CFDP1: variants seen among roughly 807,000 people sequenced by gnomAD.
CFDP1 encodes chromatin remodeling protein CFDP1.
A neutral mutation model predicts 40.1 loss-of-function variants in CFDP1; 31 were observed. The ratio of observed to expected loss-of-function variants is 0.77; its 90% CI spans 0.58 to 1.04. The LOEUF (loss-of-function observed/expected upper bound fraction) is 1.04, where lower values mean the gene tolerates loss of function less well. Among genes scored for constraint, CFDP1 ranks in the 50% least tolerant of loss-of-function variants. The pLI, the probability that CFDP1 is intolerant of heterozygous loss-of-function variation, is 0.00. For missense variants in CFDP1, 423 were observed against 343.4 expected (o/e 1.23, Z -1.83); for synonymous variants, 167 against 120.0 (o/e 1.39, Z -2.56).
intron 1 of CFDP1, among the ~76,000 whole-genome samples, chr16:75,422,422 CAG>C (rs1169939324): frequency 8.2e-6 from 1 of 122,534 alleles, no homozygotes; most frequent in African/African-American, 3.4e-5. Context: ...TTTTTTGAGA[CAG>C]AGTCTCGCTC....
At chr16:75,323,423 T>C (rs1597330909) in intron 5 of CFDP1, among the ~76,000 whole-genome samples, 1 of 151,154 alleles carries the variant, frequency 6.6e-6, no homozygotes, top group African/African-American at 2.4e-5. Flanking sequence ...CCTGAGGCTG[T>C]TTTACTTAAC....
chr16:75,311,557 A>G (rs1275428730), intron 5 of CFDP1, among the ~76,000 whole-genome samples: 1 of 152,202 alleles, frequency 6.6e-6, no homozygotes, highest in Non-Finnish European at 1.5e-5. Flanking sequence ...CCAAAAGTGG[A>G]CCAGCAAGGA....
At chr16:75,407,220 A>T (rs1418609676) in intron 4 of CFDP1, among the ~76,000 whole-genome samples, 1 of 152,142 alleles carries the variant, frequency 6.6e-6, no homozygotes, top group African/African-American at 2.4e-5. Flanking sequence ...CTCAAAAACA[A>T]AAAATAATCC....
At chr16:75,412,798 C>T (rs746596445) in intron 2 of CFDP1, 44 bp from the exon 3 acceptor site, 5 of 1,490,752 alleles carry the variant, frequency 3.4e-6, no homozygotes, top group African/African-American at 1.4e-5. Context: ...CAGCACAAAA[C>T]GATTTCAGTT....
At chr16:75,318,203 T>C (rs1434521689) in intron 5 of CFDP1, among the ~76,000 whole-genome samples, 3 of 152,110 alleles carry the variant, frequency 2.0e-5, no homozygotes, top group Non-Finnish European at 2.9e-5. Context: ...TGACTGTGAC[T>C]GGTCTGTGCT....
At chr16:75,303,400 A>AATAAATGAATGTATGT (rs745774792) in intron 6 of CFDP1, among the ~76,000 whole-genome samples, 7 of 146,168 alleles carry the variant, frequency 4.8e-5, no homozygotes, top group Non-Finnish European at 8.9e-5. Flanking sequence ...TAAATAAATA[A>AATAAATGAATGTATGT]ATGTATGTAT....
At chr16:75,296,039 C>T (rs1257142691) in intron 6 of CFDP1, among the ~76,000 whole-genome samples, 1 of 152,156 alleles carries the variant, frequency 6.6e-6, no homozygotes, top group Non-Finnish European at 1.5e-5. Flanking sequence ...TTTGACAGCA[C>T]TGCACTTTAA....
chr16:75,419,371 T>C (rs945267200), intron 1 of CFDP1, among the ~76,000 whole-genome samples: 1 of 152,188 alleles, frequency 6.6e-6, no homozygotes, highest in Non-Finnish European at 1.5e-5. Context: ...ATTGTTCCAA[T>C]TGATAAAGGA....
chr16:75,377,783 A>G (rs186416834), intron 5 of CFDP1, among the ~76,000 whole-genome samples: 6 of 152,370 alleles, frequency 3.9e-5, no homozygotes, highest in African/African-American at 1.2e-4. Flanking sequence ...AAAAACCAAA[A>G]GAAAATCATC....
At chr16:75,310,346 C>T (rs537420474) in intron 5 of CFDP1, among the ~76,000 whole-genome samples, 90 of 152,280 alleles carry the variant, frequency 5.9e-4, no homozygotes, top group African/African-American at 2.0e-3. Context: ...TTATCAACTC[C>T]CTTCCCACCA....
At chr16:75,343,082 C>T (rs900705164) in intron 5 of CFDP1, among the ~76,000 whole-genome samples, 1 of 152,102 alleles carries the variant, frequency 6.6e-6, no homozygotes, top group Non-Finnish European at 1.5e-5. Flanking sequence ...AAGGTCAGGA[C>T]TATTAGTGAA....
At chr16:75,410,379 C>G (rs1207620283) in intron 4 of CFDP1, among the ~76,000 whole-genome samples, 1 of 152,116 alleles carries the variant, frequency 6.6e-6, no homozygotes, top group Non-Finnish European at 1.5e-5. Context: ...TGGCTCTTAC[C>G]TAACAGCCAG....
At chr16:75,415,150 A>G (rs1329745356) in intron 1 of CFDP1, among the ~76,000 whole-genome samples, 1 of 152,170 alleles carries the variant, frequency 6.6e-6, no homozygotes, top group African/African-American at 2.4e-5. Context: ...TGTCTTCTCA[A>G]TAAAAGAAGT....
At chr16:75,400,757 A>G (rs1030355008) in intron 4 of CFDP1, among the ~76,000 whole-genome samples, 5 of 152,218 alleles carry the variant, frequency 3.3e-5, no homozygotes, top group Admixed American at 6.5e-5. Flanking sequence ...GAGTTACAAG[A>G]TGGAGTGCTA....
At chr16:75,422,786 C>A (rs578193805) in intron 1 of CFDP1, among the ~76,000 whole-genome samples, 4 of 151,998 alleles carry the variant, frequency 2.6e-5, no homozygotes, top group Non-Finnish European at 4.4e-5. Flanking sequence ...TTCAACGTGT[C>A]ACTGAGCTGT....
chr16:75,330,048 G>C (rs1298842183), intron 5 of CFDP1, among the ~76,000 whole-genome samples: 11 of 152,088 alleles, frequency 7.2e-5, no homozygotes. Flanking sequence ...AAACTCTAGG[G>C]TTACTTCCCT....
intron 5 of CFDP1, among the ~76,000 whole-genome samples, chr16:75,330,202 T>C (rs1432899247): frequency 6.6e-6 from 1 of 152,238 alleles, no homozygotes; most frequent in Non-Finnish European, 1.5e-5. Flanking sequence ...CCACACATTA[T>C]GGCTTGGAGA....
chr16:75,409,988 A>G (rs750361439), intron 4 of CFDP1, among the ~76,000 whole-genome samples: 21 of 139,344 alleles, frequency 1.5e-4, no homozygotes, highest in Admixed American at 7.1e-4. Context: ...TTAGGAGGCC[A>G]AGGCTGGAGG....
At chr16:75,348,040 G>C (rs1430825431) in intron 5 of CFDP1, among the ~76,000 whole-genome samples, 22 of 152,196 alleles carry the variant, frequency 1.4e-4, no homozygotes, top group Non-Finnish European at 2.9e-4. Flanking sequence ...TTGGGTCCTG[G>C]AACACAAACG....
Sources: gnomAD v4.1 joint callset for allele counts (sites outside exome capture counted in the v4.1 genomes callset) on GRCh38, gnomAD v4.1.1 for gene constraint, MANE v1.5 for transcripts, NCBI Gene and HGNC (gene_info 2026-07-23, HGNC 2026-07-21) for gene names.